ARMH3: variants seen among roughly 807,000 people sequenced by gnomAD.
ARMH3 encodes armadillo like helical domain containing 3.
ARMH3 carries 60 observed loss-of-function variants against 99.1 expected under a neutral mutation model. The ratio of observed to expected loss-of-function variants is 0.61; its 90% CI spans 0.49 to 0.75. The LOEUF is 0.75. ARMH3 is among the 30% of genes least tolerant of loss of function. The probability of loss-of-function intolerance (pLI) is 0.00; values close to 1 mark genes in which losing one functional copy is unlikely to be tolerated. For synonymous variants in ARMH3, 285 were observed against 292.8 expected (o/e 0.97, Z 0.27); for missense variants, 679 against 843.1 (o/e 0.81, Z 2.41).
At chr10:101,932,562 C>T (rs1843765294) in intron 23 of ARMH3, among the ~76,000 whole-genome samples, 1 of 152,198 alleles carries the variant, frequency 6.6e-6, no homozygotes, top group African/African-American at 2.4e-5. Flanking sequence ...TATATTCATA[C>T]AATGCAATAT....
Position 101,865,123 on chromosome 10 carries a change from G to A in ARMH3, c.1861-15231C>T, listed in dbSNP as rs9731197. Among the ~76,000 whole-genome samples the A allele has an allele frequency of 1.2e-3, 177 of 151,736 alleles. 1 individual carries two copies. The highest frequency in any genetic ancestry group is 4.1e-3 in the African/African-American group (168 of 41,420). ...CCCAGCTACTCGAGAGACTGAGGCA[G>A]GAGAATGGCATGAACCCGGGAGGCA... On this transcript the variant is annotated intron_variant, in intron 24 of 25. Transcript: ENST00000370033.
Position 101,847,354 on chromosome 10 carries a change from T to G in ARMH3, c.*174A>C, listed in dbSNP as rs556420517. On this transcript the variant is annotated 3_prime_UTR_variant, in exon 26 of 26. Coordinates refer to ENST00000370033, the MANE Select transcript of ARMH3 (RefSeq NM_024541.3). ...CTCCCCAAATAAGATTATCCCTGGC[T>G]TGACCCTCCTGCCCCTGCTGCCCAA... The G allele has an allele frequency of 5.0e-5, 31 of 618,130 alleles. No individual in the cohort carries two copies. The East Asian group carries it at 8.6e-4, about 17-fold the overall frequency. The allele number at this position is 618,130 out of a possible 1,614,324, so 38.3% of individuals were successfully genotyped here.
chr10:102,023,817 C>A, intron 6 of ARMH3, 68 bp from the exon 7 acceptor site: 1 of 1,406,890 alleles, frequency 7.1e-7, no homozygotes, highest in South Asian at 1.2e-5. Context: ...AATCTCCTCC[C>A]CTAACATCTA....
At chr10:102,043,216 G>C (rs903323767) in intron 1 of ARMH3, among the ~76,000 whole-genome samples, 5 of 152,186 alleles carry the variant, frequency 3.3e-5, no homozygotes, top group Non-Finnish European at 5.9e-5. Context: ...ACCATCAGCT[G>C]AGAAATTGCA....
chr10:102,000,912 G>A (rs985425636), intron 15 of ARMH3, among the ~76,000 whole-genome samples: 1 of 152,072 alleles, frequency 6.6e-6, no homozygotes, highest in Non-Finnish European at 1.5e-5. Context: ...CACCTCCCGG[G>A]TTCAAGCAAT....
At chr10:101,885,686 T>C (rs2067522862) in intron 24 of ARMH3, among the ~76,000 whole-genome samples, 1 of 152,156 alleles carries the variant, frequency 6.6e-6, no homozygotes. Context: ...GAAAAAGCCC[T>C]GGAGAGAAGG....
intron 4 of ARMH3, among the ~76,000 whole-genome samples, chr10:102,032,592 G>A (rs2067156969): frequency 6.6e-6 from 1 of 152,040 alleles, no homozygotes; most frequent in South Asian, 2.1e-4. Context: ...GTAGAGGTGG[G>A]TTTCACCATG....
At chr10:102,000,196 A>C (rs565150734) in intron 15 of ARMH3, among the ~76,000 whole-genome samples, 1 of 152,370 alleles carries the variant, frequency 6.6e-6, no homozygotes, top group Non-Finnish European at 1.5e-5. Flanking sequence ...GTATATAGGT[A>C]AATCACTTCA....
chr10:101,932,751 C>T (rs1192551671), intron 23 of ARMH3, among the ~76,000 whole-genome samples: 1 of 152,076 alleles, frequency 6.6e-6, no homozygotes, highest in Admixed American at 6.5e-5. Context: ...TAGCCAGAGG[C>T]TGGGAGAAAG....
chr10:102,008,845 G>C (rs1398499984), intron 13 of ARMH3, among the ~76,000 whole-genome samples: 1 of 152,018 alleles, frequency 6.6e-6, no homozygotes, highest in Non-Finnish European at 1.5e-5. Context: ...GATTACAGGC[G>C]TGAGCCACAG....
At chr10:101,909,740 G>GTAATCCCACTA (rs1842790277) in intron 23 of ARMH3, among the ~76,000 whole-genome samples, 1 of 151,986 alleles carries the variant, frequency 6.6e-6, no homozygotes, top group Non-Finnish European at 1.5e-5. Context: ...GATTACAGGA[G>GTAATCCCACTA]TGAGCCACTA....
At chr10:101,867,618 C>A (rs1373063395) in intron 24 of ARMH3, among the ~76,000 whole-genome samples, 1 of 152,022 alleles carries the variant, frequency 6.6e-6, no homozygotes, top group East Asian at 1.9e-4. Context: ...GGACTGCTGG[C>A]ATCCGGGAGT....
chr10:102,011,806 A>T (rs966814155), intron 10 of ARMH3, 23 bp from the exon 11 acceptor site: 13 of 1,580,310 alleles, frequency 8.2e-6, no homozygotes, highest in Non-Finnish European at 9.5e-6. Flanking sequence ...AACTAAATTC[A>T]ACTTTAGGAT....
chr10:102,032,937 G>C (rs2067165553), intron 4 of ARMH3, 89 bp downstream of exon 4: 1 of 1,441,696 alleles, frequency 6.9e-7, no homozygotes, highest in East Asian at 2.3e-5. Context: ...TCATACCTCA[G>C]AGCAACTCTA....
intron 24 of ARMH3, among the ~76,000 whole-genome samples, chr10:101,881,247 G>A (rs898214761): frequency 6.6e-6 from 1 of 152,152 alleles, no homozygotes; most frequent in African/African-American, 2.4e-5. Context: ...TGTGACATAT[G>A]AGGGTACCAG....
intron 23 of ARMH3, among the ~76,000 whole-genome samples, chr10:101,938,981 C>T (rs1844119799): frequency 6.6e-6 from 1 of 151,992 alleles, no homozygotes; most frequent in South Asian, 2.1e-4. Flanking sequence ...GGGCATTTTA[C>T]CTTTAAATAA....
In ARMH3 at chr10:101,845,929, C is replaced by G. The variant is rs537839119; in HGVS notation, c.*1599G>C. On this transcript the variant is annotated 3_prime_UTR_variant, in exon 26 of 26. Coordinates refer to ENST00000370033, the MANE Select transcript of ARMH3 (RefSeq NM_024541.3). ...ATGCTCTCACTGCTGAATTCCTGCA[C>G]TTACTCCTAGAATATACCAGTGCTG... 6.6e-6 allele frequency: 1 copy of G among 152,252 alleles called. No individual in the cohort carries two copies. Among genetic ancestry groups the G allele is most frequent in the Non-Finnish European group, 1.5e-5 (1 of 68,056 alleles). 9.4% of individuals were successfully genotyped at this position (152,252 alleles called of 1,614,324 possible).
chr10:101,982,911 C>A (rs1425147050), intron 19 of ARMH3, among the ~76,000 whole-genome samples: 1 of 152,002 alleles, frequency 6.6e-6, no homozygotes, highest in Admixed American at 6.6e-5. Context: ...ATAAAATACA[C>A]AATAAATGTT....
chr10:101,880,083 CATGCTCACACTCGAGA>C (rs2067373106), intron 24 of ARMH3, among the ~76,000 whole-genome samples: 1 of 152,232 alleles, frequency 6.6e-6, no homozygotes, highest in Non-Finnish European at 1.5e-5. Context: ...GCCGGTGTCA[CATGCTCACACTCGAGA>C]ATTCGCAAAG....
Sources: gnomAD v4.1 joint callset for allele counts (sites outside exome capture counted in the v4.1 genomes callset) on GRCh38, gnomAD v4.1.1 for gene constraint, MANE v1.5 for transcripts, NCBI Gene and HGNC (gene_info 2026-07-23, HGNC 2026-07-21) for gene names.